Variants in CMYA5 observed in about 807,000 individuals in gnomAD.
The protein encoded by CMYA5 is cardiomyopathy associated 5.
In CMYA5, 246 loss-of-function variants were observed where a neutral mutation model predicts 318.9. The ratio of observed to expected loss-of-function variants is 0.77; its 90% CI spans 0.70 to 0.86. The LOEUF is 0.86. Ranked by LOEUF, CMYA5 falls within the 40% of genes least tolerant of loss-of-function variation. The pLI is 0.00. For missense variants in CMYA5, 4,589 were observed against 4,678.2 expected (o/e 0.98, Z 0.56); for synonymous variants, 1,641 against 1,729.5 (o/e 0.95, Z 1.27).
chr5:79,746,780 A>G (rs981895521), intron 4 of CMYA5, among the ~76,000 whole-genome samples: 3 of 152,174 alleles, frequency 2.0e-5, no homozygotes, highest in East Asian at 1.9e-4. Flanking sequence ...AGCATAAGCA[A>G]CTCATTGCCA....
At chr5:79,749,228 A>C (rs1223123697) in intron 5 of CMYA5, among the ~76,000 whole-genome samples, 1 of 152,234 alleles carries the variant, frequency 6.6e-6, no homozygotes, top group East Asian at 1.9e-4. Context: ...AAGAAAAAAG[A>C]CAACAAAATT....
At position 79,763,050 on chromosome 5, in the gene CMYA5, CTCTT is replaced by C. The variant is rs762171849; in HGVS notation, c.11408-8_11408-5del. The C allele has an allele frequency of 2.5e-6, 4 of 1,609,618 alleles. No individual in the cohort carries two copies. In the African/African-American group the frequency reaches 4.0e-5, roughly 16 times the overall value. ...GCATTGCTCCACGACTGTCCTGACT[CTCTT>C]TCTGCAGCACCCTCCACCCCTGTGA... On this transcript the variant is annotated splice_region_variant and splice_polypyrimidine_tract_variant and intron_variant, in intron 8 of 12. Coordinates refer to ENST00000446378, the MANE Select transcript of CMYA5 (RefSeq NM_153610.5).
rs547053590 is a variant in CMYA5, at chr5:79,729,174, A to G, written c.409A>G (p.Lys137Glu). The part of the protein sequence containing the change: ...EVKKVRKRTH[K>E]SKHGSPSLRR... ...GAAAAAGGTTCGGAAAAGGACTCAT[A>G]AGTCAAAGCATGGTTCACCATCATT... Residue 137 changes from lysine (K) to glutamate (E), a missense_variant, in exon 2 of 13, where the codon AAG becomes GAG. Transcript: ENST00000446378. The G allele has an allele frequency of 6.2e-7, 1 of 1,612,860 alleles. No individual in the cohort carries two copies. The highest frequency in any genetic ancestry group is 8.5e-7 in the Non-Finnish European group (1 of 1,179,568).
chr5:79,777,054 C>T (rs1363199003), intron 9 of CMYA5, among the ~76,000 whole-genome samples: 1 of 152,148 alleles, frequency 6.6e-6, no homozygotes, highest in East Asian at 1.9e-4. Flanking sequence ...GCTGAATTAT[C>T]AAATTCCTGG....
rs542872347 is a variant in CMYA5 at position 79,751,220 on chromosome 5, A to T, written c.10992-1456A>T. Among the ~76,000 whole-genome samples the T allele has an allele frequency of 4.6e-5, 7 of 152,286 alleles. No homozygotes were observed. The East Asian group carries it at 1.4e-3, about 29-fold the overall frequency. ...AGACAAAATTGAACTCTCAGTGGGT[A>T]TGAAAGGCTCTTTATAGTCAAGCCA... On this transcript the variant is annotated intron_variant, in intron 5 of 12. Coordinates refer to ENST00000446378, the MANE Select transcript of CMYA5 (RefSeq NM_153610.5).
chr5:79,766,275 G>A (rs982138738), intron 9 of CMYA5, among the ~76,000 whole-genome samples: 1 of 151,888 alleles, frequency 6.6e-6, no homozygotes, highest in African/African-American at 2.4e-5. Flanking sequence ...ATTTTTTTGG[G>A]TATTTTTAGT....
chr5:79,733,774 A>T lies in CMYA5; in HGVS notation c.5009A>T (p.Glu1670Val), dbSNP rs1169933898. ...PITETEDSVLEKGPAELRSRE... is the reference protein window; with the variant it reads ...PITETEDSVLVKGPAELRSRE... ...ACTGAAACAGAGGATTCTGTTTTAGAAAAAGGCCCAGCTGAGCTTAGGAGC... is the reference window on the plus strand; with the variant it reads ...ACTGAAACAGAGGATTCTGTTTTAGTAAAAGGCCCAGCTGAGCTTAGGAGC... Residue 1670 changes from glutamate to valine, a missense_variant, in exon 2 of 13, where the codon GAA becomes GTA. Physicochemically the swap from Glu to Val is moderately radical, Grantham distance 121. This residue lies in a region of CMYA5 where 2,132 missense variants were observed against 2,131.3 expected (regional missense o/e 1.00). Coordinates refer to ENST00000446378, the MANE Select transcript of CMYA5 (RefSeq NM_153610.5). The T allele has an allele frequency of 1.2e-6, 2 of 1,613,234 alleles. No individual in the cohort carries two copies. Among genetic ancestry groups the T allele is most frequent in the Non-Finnish European group, 8.5e-7 (1 of 1,179,596 alleles).
chr5:79,748,614 C>T (rs1293433092), intron 5 of CMYA5, among the ~76,000 whole-genome samples: 2 of 152,110 alleles, frequency 1.3e-5, no homozygotes, highest in Admixed American at 6.5e-5. Flanking sequence ...ACGATCTTGG[C>T]TCACTGCAAC....
intron 1 of CMYA5, among the ~76,000 whole-genome samples, chr5:79,701,166 T>C (rs1827168446): frequency 1.3e-5 from 2 of 151,704 alleles, no homozygotes; most frequent in South Asian, 4.2e-4. Context: ...GGAGAATCAC[T>C]TGAACCCAGC....
chr5:79,725,298 A>ATCATG (rs1256605865), intron 1 of CMYA5, among the ~76,000 whole-genome samples: 2 of 152,246 alleles, frequency 1.3e-5, no homozygotes, highest in Non-Finnish European at 2.9e-5. Context: ...TAAGAATTAA[A>ATCATG]TCATGTCCTT....
chr5:79,793,352 T>C, intron 11 of CMYA5, 85 bp from the exon 12 acceptor site: 1 of 1,330,178 alleles, frequency 7.5e-7, no homozygotes, highest in Non-Finnish European at 1.1e-6. Flanking sequence ...CTGCCTAAAC[T>C]GTGTGAGTTT....
chr5:79,732,313 A>C lies in CMYA5; in HGVS notation c.3548A>C (p.Glu1183Ala), dbSNP rs1271758427. The change falls in exon 2 of 13, where the codon GAA becomes GCA. Residue 1183 changes from glutamate (E) to alanine (A), a missense_variant. Physicochemically the swap from Glu to Ala is moderately radical, Grantham distance 107 (BLOSUM62 -1). Coordinates refer to ENST00000446378, the MANE Select transcript of CMYA5 (RefSeq NM_153610.5). Reference sequence around the variant, plus strand: ...GATTCAGTCCCTGCAATCAAGAAAGAACAGGAACCCACAGCAGCACTCACT... The same window carrying C: ...GATTCAGTCCCTGCAATCAAGAAAGCACAGGAACCCACAGCAGCACTCACT... ...LPDSVPAIKK[E>A]QEPTAALTLK... 3.1e-6 allele frequency: 5 copies of C among 1,613,732 alleles called. No individual in the cohort carries two copies. The highest frequency in any genetic ancestry group is 4.2e-6 in the Non-Finnish European group (5 of 1,179,860).
chr5:79,736,142 T>G lies in CMYA5; in HGVS notation c.7377T>G (p.Asn2459Lys). ...RSVSPTEKKDNLENRSYTLAE... is the reference protein window; with the variant it reads ...RSVSPTEKKDKLENRSYTLAE... ...TTAGTCCAACTGAGAAGAAAGATAA[T>G]TTGGAAAACAGATCATATACCTTGG... The change falls in exon 2 of 13, where the codon AAT becomes AAG. Residue 2459 changes from asparagine (N) to lysine (K), a missense_variant. Transcript: ENST00000446378. The G allele has an allele frequency of 6.2e-7, 1 of 1,613,664 alleles. No individual in the cohort carries two copies. Among genetic ancestry groups the G allele is most frequent in the Non-Finnish European group, 8.5e-7 (1 of 1,179,740 alleles).
chr5:79,713,151 C>T (rs1054355019), intron 1 of CMYA5, among the ~76,000 whole-genome samples: 12 of 152,170 alleles, frequency 7.9e-5, no homozygotes, highest in African/African-American at 2.9e-4. Flanking sequence ...TCTGCCTTCA[C>T]CAGTGGTTCT....
At chr5:79,727,940 G>A (rs1304228574) in intron 1 of CMYA5, among the ~76,000 whole-genome samples, 1 of 152,174 alleles carries the variant, frequency 6.6e-6, no homozygotes, top group Non-Finnish European at 1.5e-5. Flanking sequence ...ATGCCCAGGC[G>A]CCTTTCATCA....
intron 1 of CMYA5, among the ~76,000 whole-genome samples, chr5:79,723,268 A>G (rs111552526): frequency 0.22 from 33,104 of 151,618 alleles, 6,424 homozygotes; most frequent in African/African-American, 0.51. Flanking sequence ...GTGAAACCTC[A>G]TCTCTACTAA....
At position 79,690,220 on chromosome 5, in the gene CMYA5, C is replaced by G. The variant is rs375768172; in HGVS notation, c.149+164C>G. On this transcript the variant is annotated intron_variant, in intron 1 of 12. Transcript: ENST00000446378. Reference sequence around the variant, plus strand: ...AAGAACTTGAAGGTGAAGGTGCTCGCTGTCAGCTGGAGTGACAGGCCCGCC... The same window carrying G: ...AAGAACTTGAAGGTGAAGGTGCTCGGTGTCAGCTGGAGTGACAGGCCCGCC... Among the ~76,000 whole-genome samples, 11 of 152,290 alleles carry G rather than the reference C, an allele frequency of 7.2e-5. No individual in the cohort carries two copies. In the East Asian group the frequency reaches 1.5e-3, roughly 21 times the overall value.
chr5:79,733,849 C>T lies in CMYA5; in HGVS notation c.5084C>T (p.Pro1695Leu). ...NRELCASSTMPAISELSSLLR... is the reference protein window; with the variant it reads ...NRELCASSTMLAISELSSLLR... ...GAGCTTTGTGCATCTTCTACGATGC[C>T]TGCAATTTCAGAGCTTTCATCATTG... Residue 1695 changes from proline (P) to leucine (L), a missense_variant, in exon 2 of 13, where the codon CCT becomes CTT. By Grantham distance (98) the Pro-to-Leu change is moderately conservative. This residue lies in a region of CMYA5 where 2,132 missense variants were observed against 2,131.3 expected (regional missense o/e 1.00). Transcript: ENST00000446378. 1 of 1,613,588 alleles carries T rather than the reference C, an allele frequency of 6.2e-7. No individual in the cohort carries two copies. Among genetic ancestry groups the T allele is most frequent in the Non-Finnish European group, 8.5e-7 (1 of 1,179,812 alleles).
At chr5:79,777,261 C>T (rs1828954907) in intron 9 of CMYA5, among the ~76,000 whole-genome samples, 1 of 152,182 alleles carries the variant, frequency 6.6e-6, no homozygotes, top group Non-Finnish European at 1.5e-5. Context: ...AGTCTCCTTT[C>T]TACCTATCCT....
Sources: allele counts gnomAD v4.1 joint callset (sites outside exome capture counted in the v4.1 genomes callset), GRCh38; gene constraint gnomAD v4.1.1; regional missense constraint gnomAD v4.1.1; transcripts MANE v1.5; gene names NCBI Gene and HGNC (gene_info 2026-07-23, HGNC 2026-07-21).